The following RNF220 variants were observed in gnomAD, a reference collection of about 807,000 sequenced individuals.
RNF220 encodes the protein ring finger protein 220, also known as E3 ubiquitin-protein ligase RNF220.
RNF220 carries 7 observed loss-of-function variants against 67.1 expected under a neutral mutation model. That is an observed-to-expected ratio of 0.10 (90% CI 0.06 to 0.20). The LOEUF (loss-of-function observed/expected upper bound fraction) is 0.20. Ranked by LOEUF, RNF220 falls within the 10% of genes least tolerant of loss-of-function variation. RNF220 has a pLI of 1.00. For synonymous variants in RNF220, 270 were observed against 283.2 expected, an observed-to-expected ratio of 0.95 and a Z score of 0.47; for missense variants, 565 against 740.3, an observed-to-expected ratio of 0.76 and a Z score of 2.75.
At chr1:44,635,509 C>G (rs963680084) in intron 6 of RNF220, 36 bp from the exon 7 acceptor site, 3 of 1,608,954 alleles carry the variant, frequency 1.9e-6, no homozygotes, top group Non-Finnish European at 2.5e-6. Flanking sequence ...TGACCGTCTG[C>G]TTGTTCTGTG....
intron 2 of RNF220, among the ~76,000 whole-genome samples, chr1:44,469,671 A>G (rs1323838794): frequency 6.6e-6 from 1 of 152,256 alleles, no homozygotes; most frequent in Non-Finnish European, 1.5e-5. Flanking sequence ...TTGCAACTGT[A>G]GCAGGCACTG....
At chr1:44,474,979 A>G (rs1325471738) in intron 2 of RNF220, among the ~76,000 whole-genome samples, 1 of 151,888 alleles carries the variant, frequency 6.6e-6, no homozygotes, top group African/African-American at 2.4e-5. Context: ...GCAGTGATAT[A>G]CAATTGGAGA....
intron 2 of RNF220, among the ~76,000 whole-genome samples, chr1:44,515,514 G>A (rs1659386835): frequency 6.6e-6 from 1 of 152,122 alleles, no homozygotes; most frequent in African/African-American, 2.4e-5. Context: ...AGGCATTTGG[G>A]GTTTCAGAAC....
intron 2 of RNF220, among the ~76,000 whole-genome samples, chr1:44,488,727 C>CT (rs55968850): frequency 0.03 from 3,128 of 102,564 alleles, 108 homozygotes; most frequent in South Asian, 0.12. Flanking sequence ...TTTCTTTTTT[C>CT]TTTTTTTTTT....
intron 2 of RNF220, among the ~76,000 whole-genome samples, chr1:44,510,546 A>G (rs1019929670): frequency 6.6e-6 from 1 of 151,482 alleles, no homozygotes. Context: ...CATTAACATC[A>G]CCCTCCCTGA....
chr1:44,525,254 C>A (rs1408913195), intron 2 of RNF220, among the ~76,000 whole-genome samples: 1 of 152,126 alleles, frequency 6.6e-6, no homozygotes, highest in Non-Finnish European at 1.5e-5. Context: ...GGTGCCAGGA[C>A]TTTGGTGTGG....
intron 2 of RNF220, among the ~76,000 whole-genome samples, chr1:44,443,480 A>G (rs1169496613): frequency 6.6e-6 from 1 of 152,094 alleles, no homozygotes; most frequent in Non-Finnish European, 1.5e-5. Context: ...CGTATACCCT[A>G]CTGATAAAGG....
At chr1:44,596,760 A>G (rs939061831) in intron 2 of RNF220, among the ~76,000 whole-genome samples, 1 of 152,202 alleles carries the variant, frequency 6.6e-6, no homozygotes, top group Non-Finnish European at 1.5e-5. Flanking sequence ...TCTAGGCAGC[A>G]GTGAGCCTCC....
intron 2 of RNF220, among the ~76,000 whole-genome samples, chr1:44,494,310 G>A (rs1572673839): frequency 6.6e-6 from 1 of 151,870 alleles, no homozygotes; most frequent in African/African-American, 2.4e-5. Flanking sequence ...TACGGGGCTA[G>A]ACAATCTATT....
rs1330836399 is a variant in RNF220, at chr1:44,621,371, C to T, written c.759-1371C>T. Among the ~76,000 whole-genome samples the T allele has an allele frequency of 6.6e-6, 1 of 152,132 alleles. No individual in the cohort carries two copies. Among genetic ancestry groups the T allele is most frequent in the Non-Finnish European group, 1.5e-5 (1 of 68,022 alleles). On this transcript the variant is annotated intron_variant, in intron 3 of 14. Coordinates refer to ENST00000361799, the MANE Select transcript of RNF220 (RefSeq NM_018150.4). This position sits in a 1 kb window ranked among gnomAD's most constrained non-coding sequence, Gnocchi z 4.8. ...GGTATATATGTGTGCGCCTTTATAC[C>T]AGGGTTTCTCAACCTCGGCACAGTT...
intron 2 of RNF220, among the ~76,000 whole-genome samples, chr1:44,599,914 T>C (rs1279788289): frequency 1.3e-5 from 2 of 152,050 alleles, no homozygotes; most frequent in Non-Finnish European, 2.9e-5. Flanking sequence ...TTTAGGAAGA[T>C]CCTTGTAACT....
intron 4 of RNF220, among the ~76,000 whole-genome samples, chr1:44,623,721 T>C (rs992619022): frequency 6.6e-6 from 1 of 152,190 alleles, no homozygotes; most frequent in African/African-American, 2.4e-5. Flanking sequence ...TCTGAGGGAC[T>C]CCTGCACTTG....
chr1:44,584,881 T>C (rs1665579848), intron 2 of RNF220, among the ~76,000 whole-genome samples: 1 of 152,178 alleles, frequency 6.6e-6, no homozygotes. Context: ...GTATTTTTAG[T>C]AGAGACGGGG....
chr1:44,543,235 C>G lies in RNF220; in HGVS notation c.626-70930C>G, dbSNP rs191497436. On this transcript the variant is annotated intron_variant, in intron 2 of 14. Transcript: ENST00000361799. ...CACCTTCGCCGGCTACCCCCTCCCC[C>G]TTCCCTCCGGTTGAGCAGAGCCAGA... Among the ~76,000 whole-genome samples the G allele has an allele frequency of 6.8e-3, 1,035 of 152,254 alleles. 14 individuals are homozygous for G. Among genetic ancestry groups the G allele is most frequent in the African/African-American group, 0.024 (995 of 41,546 alleles).
intron 2 of RNF220, among the ~76,000 whole-genome samples, chr1:44,490,437 T>C (rs766759328): frequency 6.6e-5 from 10 of 151,606 alleles, no homozygotes; most frequent in Non-Finnish European, 1.3e-4. Flanking sequence ...GATTGGGCCA[T>C]TGTGCTCCAG....
chr1:44,586,302 T>C (rs1665689169), intron 2 of RNF220, among the ~76,000 whole-genome samples: 1 of 152,152 alleles, frequency 6.6e-6, no homozygotes, highest in Non-Finnish European at 1.5e-5. Context: ...GAGGCAGGTT[T>C]GGGAGTCCTG....
intron 2 of RNF220, among the ~76,000 whole-genome samples, chr1:44,502,153 TCTCTCACA>T (rs1433560648): frequency 4.1e-4 from 48 of 116,814 alleles, no homozygotes; most frequent in Admixed American, 8.3e-4. Flanking sequence ...TCTCTCTCTC[TCTCTCACA>T]CACACACACA....
At chr1:44,450,789 A>C (rs1652590960) in intron 2 of RNF220, among the ~76,000 whole-genome samples, 1 of 152,226 alleles carries the variant, frequency 6.6e-6, no homozygotes, top group African/African-American at 2.4e-5. Flanking sequence ...TTTGGCACAT[A>C]GGTTTTTATA....
rs937801692 is a variant in RNF220, at chr1:44,416,433, C to A, written c.625+3711C>A. On this transcript the variant is annotated intron_variant, in intron 2 of 14. Coordinates refer to ENST00000361799, the MANE Select transcript of RNF220 (RefSeq NM_018150.4). ...AGGGAAGATAAGTATTGTCTGCTGT[C>A]TTGTGTTAGAATCTGTACATTTATT... Among the ~76,000 whole-genome samples the A allele has an allele frequency of 5.3e-5, 8 of 152,236 alleles. No homozygotes were observed. The South Asian group carries it at 1.4e-3, about 28-fold the overall frequency.
Sources: allele counts gnomAD v4.1 joint callset (sites outside exome capture counted in the v4.1 genomes callset), GRCh38; gene constraint gnomAD v4.1.1; non-coding constraint Gnocchi (gnomAD v3.1); transcripts MANE v1.5; gene names NCBI Gene and HGNC (gene_info 2026-07-23, HGNC 2026-07-21).